The following PLEKHH3 variants were observed in gnomAD, a reference collection of about 807,000 sequenced individuals.
PLEKHH3 encodes pleckstrin homology domain-containing family H member 3.
PLEKHH3 carries 57 observed loss-of-function variants against 77.8 expected under a neutral mutation model. The observed-to-expected ratio is 0.73, with a 90% CI of 0.59 to 0.91. The LOEUF is 0.91. PLEKHH3 is among the 40% of genes least tolerant of loss of function. The pLI is 0.00. For missense variants in PLEKHH3, 1,082 were observed against 1,091.2 expected (o/e 0.99, Z 0.12); for synonymous variants, 467 against 504.8 (o/e 0.93, Z 1.00).
chr17:42,670,471 G>T (rs2052669160), intron 10 of PLEKHH3, 95 bp from the exon 11 acceptor site: 1 of 1,517,554 alleles, frequency 6.6e-7, no homozygotes, highest in South Asian at 1.3e-5. Flanking sequence ...TTCCAGTCAA[G>T]CCTCCCGCGG....
At chr17:42,672,557 C>T (rs1332715581) in intron 6 of PLEKHH3, among the ~76,000 whole-genome samples, 165 bp from the exon 7 acceptor site, 1 of 152,030 alleles carries the variant, frequency 6.6e-6, no homozygotes, top group African/African-American at 2.4e-5. Flanking sequence ...GCAGTGGTCC[C>T]ACGGAGCCAG....
Position 42,670,108 on chromosome 17 carries a change from C to CCGCCG in PLEKHH3, c.1818_1822dup (p.Gly608AlafsTer64). ...AATGCTTCCCGCAGTGCGGCCGGCC[C>CCGCCG]CGCCGCGCCGGGCCCGCTCCGCCCG... is the stretch of plus-strand genomic sequence containing the variant. On this transcript the variant is annotated frameshift_variant, in exon 11 of 13. Coordinates refer to ENST00000591022, the MANE Select transcript of PLEKHH3 (RefSeq NM_024927.5). LOFTEE classifies it high-confidence loss of function. 7.6e-7 allele frequency: 1 copy of CCGCCG among 1,320,424 alleles called. No homozygotes were observed. 81.8% of individuals were successfully genotyped at this position (1,320,424 alleles called of 1,614,324 possible).
At chr17:42,673,583 C>A in intron 4 of PLEKHH3, 27 bp from the exon 5 acceptor site, 3 of 1,588,704 alleles carry the variant, frequency 1.9e-6, no homozygotes, top group Non-Finnish European at 1.7e-6. Context: ...CCAGGGAGGG[C>A]CATTAGGGTC....
chr17:42,672,579 C>T (rs1031434493), intron 6 of PLEKHH3, among the ~76,000 whole-genome samples, 187 bp from the exon 7 acceptor site: 4 of 152,224 alleles, frequency 2.6e-5, no homozygotes, highest in East Asian at 1.9e-4. Context: ...CTCTCAACCT[C>T]TGCCTCCCAG....
Position 42,673,695 on chromosome 17 carries a change from C to T in PLEKHH3, c.438G>A (p.Val146=). The change falls in exon 4 of 13, where the codon GTG becomes GTA. Residue 146 remains valine (V), a synonymous_variant. Transcript: ENST00000591022. The part of the protein sequence containing the change: ...GKGARRLGSL[V]LTSLCSVTGP... ...CGGTCACCGAGCACAGGCTGGTGAG[C>T]ACGAGGCTCCCGAGACGCCGCGCCC... 8.1e-6 allele frequency: 13 copies of T among 1,602,040 alleles called. No individual in the cohort carries two copies. Among genetic ancestry groups the T allele is most frequent in the Non-Finnish European group, 1.1e-5 (13 of 1,179,894 alleles).
rs2052838474 is a variant in PLEKHH3, at chr17:42,676,792, G to T, written c.-229C>A. 1 of 590,518 alleles carries T rather than the reference G, an allele frequency of 1.7e-6. No individual in the cohort carries two copies. Among genetic ancestry groups the T allele is most frequent in the Non-Finnish European group, 3.0e-6 (1 of 333,114 alleles). The allele number at this position is 590,518 out of a possible 1,614,324, so 36.6% of individuals were successfully genotyped here. On this transcript the variant is annotated 5_prime_UTR_variant, in exon 1 of 13. Coordinates refer to ENST00000591022, the MANE Select transcript of PLEKHH3 (RefSeq NM_024927.5). This position sits in a 1 kb window ranked among gnomAD's most constrained non-coding sequence, Gnocchi z 6.6. ...CCCCGGAGGGGGGAGGGGGAAAAGC[G>T]TCCAGGGCCCCGGGAGAGGAGGGAG...
chr17:42,670,572 C>G lies in PLEKHH3; in HGVS notation c.1554+1G>C. 6.2e-7 allele frequency: 1 copy of G among 1,606,670 alleles called. No homozygotes were observed. Among genetic ancestry groups the G allele is most frequent in the Non-Finnish European group, 8.5e-7 (1 of 1,174,822 alleles). On this transcript the variant is annotated splice_donor_variant, in intron 10 of 12. Coordinates refer to ENST00000591022, the MANE Select transcript of PLEKHH3 (RefSeq NM_024927.5). LOFTEE classifies it high-confidence loss of function. The stretch of plus-strand genomic sequence containing the variant: ...GAGGCGTGAACGCCGGAGAGCCTCA[C>G]CTGCTCAAAGAGGAAAGGCAGTTCG...
At chr17:42,669,382 A>T in intron 12 of PLEKHH3, 48 bp downstream of exon 12, 3 of 1,476,662 alleles carry the variant, frequency 2.0e-6, no homozygotes, top group Non-Finnish European at 2.7e-6. Flanking sequence ...ATGCTTCCTG[A>T]CATCGCTTCC....
chr17:42,671,068 G>C lies in PLEKHH3; in HGVS notation c.1347C>G (p.Tyr449Ter), dbSNP rs200030626. ...LARSRNAFAL[Y>*]EQRGAQERAL... ...CTCGCTCCTGGGCCCCTCGCTGCTC[G>C]TACAGCGCGAATGCGTTGCGGCTCC... Residue 449 changes from tyrosine to a stop codon, truncating the protein, a stop_gained, in exon 9 of 13, where the codon TAC (tyrosine) becomes TAG (stop). Coordinates refer to ENST00000591022, the MANE Select transcript of PLEKHH3 (RefSeq NM_024927.5). LOFTEE classifies it high-confidence loss of function. This position sits in a 1 kb window ranked among gnomAD's most constrained non-coding sequence, Gnocchi z 4.7. 1 of 1,609,110 alleles carries C rather than the reference G, an allele frequency of 6.2e-7. No homozygotes were observed. The highest frequency in any genetic ancestry group is 8.5e-7 in the Non-Finnish European group (1 of 1,178,020).
intron 6 of PLEKHH3, 77 bp downstream of exon 6, chr17:42,673,099 G>A (rs2052737256): frequency 2.1e-6 from 3 of 1,440,238 alleles, no homozygotes; most frequent in Middle Eastern, 1.8e-4. Flanking sequence ...TTAGATCCCT[G>A]CCAGTTAAGG....
In PLEKHH3 at chr17:42,676,686, G is replaced by A; in HGVS notation, c.-123C>T. ...GAGGTGGGAGGAGCAGAAGGGAGAAGAGGACAGGGAGGAGGCAGTGTCCTG... is the reference window on the plus strand; with the variant it reads ...GAGGTGGGAGGAGCAGAAGGGAGAAAAGGACAGGGAGGAGGCAGTGTCCTG... On this transcript the variant is annotated 5_prime_UTR_variant, in exon 1 of 13. Coordinates refer to ENST00000591022, the MANE Select transcript of PLEKHH3 (RefSeq NM_024927.5). The surrounding 1 kb of genome is among the most constrained non-coding windows in gnomAD (Gnocchi z 6.6). 1.1e-6 allele frequency: 1 copy of A among 935,346 alleles called. No individual in the cohort carries two copies. The highest frequency in any genetic ancestry group is 2.6e-5 in the East Asian group (1 of 38,090). 57.9% of individuals were successfully genotyped at this position (935,346 alleles called of 1,614,324 possible).
intron 1 of PLEKHH3, among the ~76,000 whole-genome samples, chr17:42,675,649 C>T (rs943587204): frequency 6.6e-6 from 1 of 152,194 alleles, no homozygotes; most frequent in African/African-American, 2.4e-5. Flanking sequence ...GGAGCCTGAC[C>T]CGGGCCACAG....
Position 42,671,128 on chromosome 17 carries a change from C to T in PLEKHH3, c.1287G>A (p.Val429=), listed in dbSNP as rs760694129. The change falls in exon 9 of 13, where the codon GTG becomes GTA. Residue 429 remains valine, a splice_region_variant and synonymous_variant. Transcript: ENST00000591022. This position sits in a 1 kb window ranked among gnomAD's most constrained non-coding sequence, Gnocchi z 4.7. The stretch of plus-strand genomic sequence containing the variant: ...CCAGCCGCCCCACCAGCTCTCGAGC[C>T]ACCTAGAAGAGGAGGGTGAGGGGAG... ...AIDSHTTAGE[V]ARELVGRLGL... The T allele has an allele frequency of 8.9e-6, 14 of 1,576,520 alleles. No homozygotes were observed. In the African/African-American group the frequency reaches 1.2e-4, roughly 14 times the overall value.
At position 42,672,175 on chromosome 17, in the gene PLEKHH3, G is replaced by A; in HGVS notation, c.987C>T (p.Ala329=). The A allele has an allele frequency of 6.4e-7, 1 of 1,550,590 alleles. No homozygotes were observed. Among genetic ancestry groups the A allele is most frequent in the Non-Finnish European group, 8.7e-7 (1 of 1,146,638 alleles). ...AGGTGAGGAGTTGCCAGTACCGCAGGGCCGCAGGGTCTTGGGTAGCCGGGA... is the reference window on the plus strand; with the variant it reads ...AGGTGAGGAGTTGCCAGTACCGCAGAGCCGCAGGGTCTTGGGTAGCCGGGA... The part of the protein sequence containing the change: ...PGLPATQDPA[A]LRYWQLLTCM... The change falls in exon 7 of 13, where the codon GCC becomes GCT. Residue 329 remains alanine, a synonymous_variant. Coordinates refer to ENST00000591022, the MANE Select transcript of PLEKHH3 (RefSeq NM_024927.5).
At position 42,670,240 on chromosome 17, in the gene PLEKHH3, G is replaced by C. The variant is rs1348114201; in HGVS notation, c.1691C>G (p.Pro564Arg). The C allele has an allele frequency of 8.2e-7, 1 of 1,225,984 alleles. No individual in the cohort carries two copies. Among genetic ancestry groups the C allele is most frequent in the Non-Finnish European group, 1.0e-6 (1 of 984,798 alleles). 75.9% of individuals were successfully genotyped at this position (1,225,984 alleles called of 1,614,324 possible). ...GTCTTCGCGCGGCGGGGCCGGGGGC[G>C]GGAGCAGGCGGTCCAGGCGGGGCAG... ...VPLPRLDRLL[P>R]PPAPPREDPP... The change falls in exon 11 of 13, where the codon CCG becomes CGG. Residue 564 changes from proline to arginine, a missense_variant. By Grantham distance (103) the Pro-to-Arg change is moderately radical. Around this residue, in one of 3 missense-constraint regions of PLEKHH3, gnomAD observed 733 missense variants for 750.0 expected, o/e 0.98. Coordinates refer to ENST00000591022, the MANE Select transcript of PLEKHH3 (RefSeq NM_024927.5).
chr17:42,676,006 C>A lies in PLEKHH3; in HGVS notation c.162+396G>T, dbSNP rs973573316. On this transcript the variant is annotated intron_variant, in intron 1 of 12. Transcript: ENST00000591022. The surrounding 1 kb of genome is among the most constrained non-coding windows in gnomAD (Gnocchi z 6.6). ...CTCTCGCATCTGGCCTCCGCACTTG[C>A]GAACTGGGAGCGGAGGGGGACCCAG... is the stretch of plus-strand genomic sequence containing the variant. The A allele has an allele frequency of 3.7e-6, 4 of 1,077,156 alleles. No homozygotes were observed. The highest frequency in any genetic ancestry group is 3.4e-5 in the African/African-American group (2 of 58,850). 66.7% of individuals were successfully genotyped at this position (1,077,156 alleles called of 1,614,324 possible).
Position 42,670,115 on chromosome 17 carries a change from G to GTGAGCCTGCAGGGGAGGCAC in PLEKHH3, c.1815_1816insGTGCCTCCCCTGCAGGCTCA (p.Arg606ValfsTer71). 7.9e-7 allele frequency: 1 copy of GTGAGCCTGCAGGGGAGGCAC among 1,264,882 alleles called. No individual in the cohort carries two copies. The allele number at this position is 1,264,882 out of a possible 1,614,324, so 78.4% of individuals were successfully genotyped here. A position where few individuals can be genotyped will look rare whatever the true frequency, so the allele number is the denominator to read the frequency against. On this transcript the variant is annotated frameshift_variant, in exon 11 of 13. Coordinates refer to ENST00000591022, the MANE Select transcript of PLEKHH3 (RefSeq NM_024927.5). LOFTEE classifies it high-confidence loss of function. Reference sequence around the variant, plus strand: ...CCCGCAGTGCGGCCGGCCCCGCCGCGCCGGGCCCGCTCCGCCCGCCTCTTG... The same window carrying GTGAGCCTGCAGGGGAGGCAC: ...CCCGCAGTGCGGCCGGCCCCGCCGCGTGAGCCTGCAGGGGAGGCACCCGGGCCCGCTCCGCCCGCCTCTTG...
At position 42,671,426 on chromosome 17, in the gene PLEKHH3, C is replaced by T. The variant is rs755446051; in HGVS notation, c.1209G>A (p.Glu403=). The T allele has an allele frequency of 7.4e-6, 12 of 1,613,142 alleles. No individual in the cohort carries two copies. In the South Asian group the frequency reaches 1.2e-4, roughly 16 times the overall value. ...AEISALSQRQ[E]LLCTVHCPGA... ...CCGGACAGTGCACGGTACACAGCAG[C>T]TCCTGCCGTTGGCTCAACGCGGAAA... Residue 403 remains glutamate, a synonymous_variant, in exon 8 of 13, where the codon GAG becomes GAA. Transcript: ENST00000591022. This position sits in a 1 kb window ranked among gnomAD's most constrained non-coding sequence, Gnocchi z 4.7.
chr17:42,670,808 C>A, intron 9 of PLEKHH3, 103 bp from the exon 10 acceptor site: 1 of 1,519,290 alleles, frequency 6.6e-7, no homozygotes, highest in Admixed American at 2.0e-5. Context: ...GGGGCCTGGG[C>A]GGAGCCGACA....
Sources: gnomAD v4.1 joint callset for allele counts (sites outside exome capture counted in the v4.1 genomes callset) on GRCh38, gnomAD v4.1.1 for gene constraint, gnomAD v4.1.1 regional missense constraint, Gnocchi (gnomAD v3.1) non-coding constraint, MANE v1.5 for transcripts, NCBI Gene and HGNC (gene_info 2026-07-23, HGNC 2026-07-21) for gene names.